Variants in MYH3 observed in about 807,000 individuals in gnomAD.
MYH3 encodes myosin heavy chain 3, also known as myosin-3.
In MYH3, 130 loss-of-function variants were observed where a neutral mutation model predicts 238.0. The ratio of observed to expected loss-of-function variants is 0.55; its 90% confidence interval spans 0.47 to 0.63. The LOEUF (loss-of-function observed/expected upper bound fraction) is 0.63. Ranked by LOEUF, MYH3 falls within the 30% of genes least tolerant of loss-of-function variation. The pLI is 0.00. For synonymous variants in MYH3, 880 were observed against 924.1 expected, an observed-to-expected ratio of 0.95 and a Z score of 0.86; for missense variants, 1,853 against 2,374.9, an observed-to-expected ratio of 0.78 and a Z score of 4.57.
At chr17:10,632,919 G>T in intron 33 of MYH3, 135 bp from the exon 34 acceptor site, 1 of 1,028,338 alleles carries the variant, frequency 9.7e-7, no homozygotes. Flanking sequence ...CTTTTTAAAT[G>T]TCCCCAAATT....
chr17:10,660,357 GAGAA>G (rs1332041873), upstream of MYH3, among the ~76,000 whole-genome samples: 1 of 152,184 alleles, frequency 6.6e-6, no homozygotes, highest in Non-Finnish European at 1.5e-5. Context: ...GATGGGGAGG[GAGAA>G]AGAGACATAT....
chr17:10,632,597 G>C lies in MYH3; in HGVS notation c.4835C>G (p.Ala1612Gly). 2 of 1,614,140 alleles carry C rather than the reference G, an allele frequency of 1.2e-6. No homozygotes were observed. Among genetic ancestry groups the C allele is most frequent in the Non-Finnish European group, 1.7e-6 (2 of 1,180,036 alleles). ...LDAEVRSRNE[A>G]IRLKKKMEGD... ...CTCCATCTTCTTCTTGAGCCGGATG[G>C]CTTCATTCCTGCTCCGCACCTCGGC... The change falls in exon 34 of 41, where the codon GCC becomes GGC. Residue 1612 changes from alanine to glycine, a missense_variant. Ala to Gly is a moderately conservative substitution (Grantham distance 60). Coordinates refer to ENST00000583535, the MANE Select transcript of MYH3 (RefSeq NM_002470.4).
chr17:10,635,282 G>A (rs529290813), intron 30 of MYH3, 85 bp downstream of exon 30: 4 of 1,605,284 alleles, frequency 2.5e-6, no homozygotes, highest in Non-Finnish European at 3.4e-6. Context: ...AAAGACACAT[G>A]AGATGGGGAA....
In MYH3 at chr17:10,635,020, T is replaced by C; in HGVS notation, c.4176A>G (p.Lys1392=). 2.5e-6 allele frequency: 4 copies of C among 1,614,102 alleles called. No individual in the cohort carries two copies. Among genetic ancestry groups the C allele is most frequent in the Non-Finnish European group, 3.4e-6 (4 of 1,179,996 alleles). The part of the protein sequence containing the change: ...QRTEELEEAK[K]KLAQRLQDSE... ...AATCTTGAAGGCGCTGAGCAAGTTT[T>C]TTCCTTAAAGAATATGAAAGAGAAG... The change falls in exon 31 of 41, where the codon AAA becomes AAG. Residue 1392 remains lysine, a synonymous_variant. Coordinates refer to ENST00000583535, the MANE Select transcript of MYH3 (RefSeq NM_002470.4).
At position 10,638,962 on chromosome 17, in the gene MYH3, T is replaced by G; in HGVS notation, c.3250A>C (p.Lys1084Gln). 1 of 1,614,176 alleles carries G rather than the reference T, an allele frequency of 6.2e-7. No homozygotes were observed. Among genetic ancestry groups the G allele is most frequent in the East Asian group, 2.2e-5 (1 of 44,884 alleles). The change falls in exon 26 of 41, where the codon AAA (lysine) becomes CAA (glutamine). Residue 1084 changes from lysine (K) to glutamine (Q), a missense_variant and splice_region_variant. By Grantham distance (53) the Lys-to-Gln change is moderately conservative. This residue lies in a region of MYH3 where 1,044 missense variants were observed against 1,192.6 expected (regional missense o/e 0.88). Coordinates refer to ENST00000583535, the MANE Select transcript of MYH3 (RefSeq NM_002470.4). ...TGAAGTTGACAATATTCAAAATCTT[T>G]CCTGTGAAGAGAAATGTAGAATGCA... ...KQQLDERLKK[K>Q]DFEYCQLQSK...
chr17:10,644,544 A>G, intron 13 of MYH3, 40 bp downstream of exon 13: 2 of 1,613,612 alleles, frequency 1.2e-6, no homozygotes, highest in Non-Finnish European at 1.7e-6. Context: ...GGAAGTGGCC[A>G]GCAGGGTCCT....
rs1458579425 is a variant in MYH3 at position 10,637,858 on chromosome 17, C to T, written c.3807G>A (p.Arg1269=). ...EARGKNEEIQ[R]SLSELTTQKS... is the part of the protein sequence containing the mutation. ...TCTGTGTGGTCAGCTCGCTCAGGCT[C>T]CTCTGAATTTCCTCATTCTTGCCCC... The change falls in exon 28 of 41, where the codon AGG becomes AGA. Residue 1269 remains arginine (R), a synonymous_variant. Transcript: ENST00000583535. The T allele has an allele frequency of 3.7e-6, 6 of 1,614,148 alleles. No individual in the cohort carries two copies. The highest frequency in any genetic ancestry group is 5.1e-6 in the Non-Finnish European group (6 of 1,180,034).
In MYH3 at chr17:10,639,437, T is replaced by C; in HGVS notation, c.2963A>G (p.Glu988Gly). 6.2e-7 allele frequency: 1 copy of C among 1,614,092 alleles called. No individual in the cohort carries two copies. The highest frequency in any genetic ancestry group is 8.5e-7 in the Non-Finnish European group (1 of 1,179,976). ...NLTEELSGLDETIAKLTREKK... is the reference protein window; with the variant it reads ...NLTEELSGLDGTIAKLTREKK... ...CTCTCTGGTTAACTTTGCAATTGTT[T>C]CATCTAACCCAGAGAGTTCCTCAGT... is the stretch of plus-strand genomic sequence containing the variant. Residue 988 changes from glutamate (E) to glycine (G), a missense_variant, in exon 24 of 41, where the codon GAA becomes GGA. This residue lies in a region of MYH3 where 1,044 missense variants were observed against 1,192.6 expected (regional missense o/e 0.88). Coordinates refer to ENST00000583535, the MANE Select transcript of MYH3 (RefSeq NM_002470.4).
chr17:10,632,647 C>T lies in MYH3; in HGVS notation c.4785G>A (p.Val1595=), dbSNP rs766144583. 6.2e-7 allele frequency: 1 copy of T among 1,614,194 alleles called. No homozygotes were observed. Among genetic ancestry groups the T allele is most frequent in the Non-Finnish European group, 8.5e-7 (1 of 1,180,040 alleles). The change falls in exon 34 of 41, where the codon GTG becomes GTA. Residue 1595 remains valine, a synonymous_variant. Transcript: ENST00000583535. Reference sequence around the variant, plus strand: ...CGTCCAGGGCGCTCTGCATGGTTTCCACTGTTCTCTGGTAGTTCCTCTTCA... The same window carrying T: ...CGTCCAGGGCGCTCTGCATGGTTTCTACTGTTCTCTGGTAGTTCCTCTTCA... ...EQLKRNYQRT[V]ETMQSALDAE...
At position 10,631,614 on chromosome 17, in the gene MYH3, C is replaced by A; in HGVS notation, c.5283G>T (p.Thr1761=). ...CAGCAGGAAGGAGACGCCTTACGTC[C>A]GTGATGGCCTTCTTGGCCTTCTCCT... ...NAEEKAKKAI[T]DAAMMAEELK... is the part of the protein sequence containing the mutation. Residue 1761 remains threonine, a synonymous_variant, in exon 36 of 41, where the codon ACG becomes ACT. Coordinates refer to ENST00000583535, the MANE Select transcript of MYH3 (RefSeq NM_002470.4). 6.2e-7 allele frequency: 1 copy of A among 1,614,150 alleles called. No homozygotes were observed. The highest frequency in any genetic ancestry group is 8.5e-7 in the Non-Finnish European group (1 of 1,180,038).
intron 36 of MYH3, among the ~76,000 whole-genome samples, chr17:10,631,152 G>T (rs1300791802): frequency 6.6e-6 from 1 of 152,218 alleles, no homozygotes; most frequent in East Asian, 1.9e-4. Context: ...TAGATTTGGG[G>T]ATAGTGAGAT....
At chr17:10,671,801 G>C in the MYH3 span, among the ~76,000 whole-genome samples, 2 of 151,762 alleles carry the variant, frequency 1.3e-5, no homozygotes, top group African/African-American at 2.4e-5. Context: ...GGATGGTCTC[G>C]ATCTCCTGAC....
At position 10,654,476 on chromosome 17, in the gene MYH3, C is replaced by T. The variant is rs2074409205; in HGVS notation, c.204+385G>A. ...TTTCCTTACTTCCTTGGTTAGATGG[C>T]CATTGATAGAATAATTTGGGACAAA... On this transcript the variant is annotated intron_variant, in intron 3 of 40. Transcript: ENST00000583535. This position sits in a 1 kb window ranked among gnomAD's most constrained non-coding sequence, Gnocchi z 4.5. Among the ~76,000 whole-genome samples the T allele has an allele frequency of 6.6e-6, 1 of 152,178 alleles. No individual in the cohort carries two copies. Among genetic ancestry groups the T allele is most frequent in the Admixed American group, 6.5e-5 (1 of 15,278 alleles).
In MYH3 at chr17:10,641,381, A is replaced by G; in HGVS notation, c.1960-9T>C. 1 of 1,381,662 alleles carries G rather than the reference A, an allele frequency of 7.2e-7. No individual in the cohort carries two copies. Among genetic ancestry groups the G allele is most frequent in the Middle Eastern group, 1.8e-4 (1 of 5,510 alleles). 85.6% of individuals were successfully genotyped at this position (1,381,662 alleles called of 1,614,324 possible). ...AGCTTGTTCAGGTTTTCCTAAGAGA[A>G]AAAAAAAATGACATTTGCCATCCTA... On this transcript the variant is annotated splice_polypyrimidine_tract_variant and intron_variant, in intron 17 of 40. Coordinates refer to ENST00000583535, the MANE Select transcript of MYH3 (RefSeq NM_002470.4).
At position 10,634,979 on chromosome 17, in the gene MYH3, T is replaced by C. The variant is rs745755095; in HGVS notation, c.4217A>G (p.Glu1406Gly). ...QRLQDSEEQV[E>G]AVNAKCASLE... ...TGAAGCACATTTAGCATTCACTGCC[T>C]CAACCTGTTCCTCGGAATCTTGAAG... The change falls in exon 31 of 41, where the codon GAG (glutamate) becomes GGG (glycine). Residue 1406 changes from glutamate (E) to glycine (G), a missense_variant. By Grantham distance (98) the Glu-to-Gly change is moderately conservative. This residue lies in a region of MYH3 where 1,044 missense variants were observed against 1,192.6 expected (regional missense o/e 0.88). Transcript: ENST00000583535. 3.1e-6 allele frequency: 5 copies of C among 1,614,062 alleles called. No homozygotes were observed. In the African/African-American group the frequency reaches 5.3e-5, roughly 17 times the overall value.
chr17:10,643,887 C>T (rs935633669), intron 14 of MYH3, among the ~76,000 whole-genome samples: 6 of 151,998 alleles, frequency 3.9e-5, no homozygotes, highest in Admixed American at 1.3e-4. Flanking sequence ...CAGCCAGGTG[C>T]GGTGGCTCAT....
chr17:10,631,599 G>A lies in MYH3; in HGVS notation c.5286+12C>T. 6.2e-7 allele frequency: 1 copy of A among 1,614,164 alleles called. No homozygotes were observed. The highest frequency in any genetic ancestry group is 8.5e-7 in the Non-Finnish European group (1 of 1,180,036). On this transcript the variant is annotated intron_variant, in intron 36 of 40. Coordinates refer to ENST00000583535, the MANE Select transcript of MYH3 (RefSeq NM_002470.4). Reference sequence around the variant, plus strand: ...CCGGCAGCCCGAGGGCAGCAGGAAGGAGACGCCTTACGTCCGTGATGGCCT... The same window carrying A: ...CCGGCAGCCCGAGGGCAGCAGGAAGAAGACGCCTTACGTCCGTGATGGCCT...
chr17:10,645,484 T>C (rs1342020893), intron 12 of MYH3, among the ~76,000 whole-genome samples: 1 of 152,010 alleles, frequency 6.6e-6, no homozygotes, highest in African/African-American at 2.4e-5. Context: ...TGCTCCACCA[T>C]GCCCAGCTAA....
At chr17:10,653,213 G>C (rs1597494021) in intron 3 of MYH3, among the ~76,000 whole-genome samples, 2 of 152,292 alleles carry the variant, frequency 1.3e-5, no homozygotes, top group East Asian at 3.9e-4. Flanking sequence ...TTTCAGCTCA[G>C]TCAGTAACAC....
Sources: allele counts gnomAD v4.1 joint callset (sites outside exome capture counted in the v4.1 genomes callset), GRCh38; gene constraint gnomAD v4.1.1; regional missense constraint gnomAD v4.1.1; non-coding constraint Gnocchi (gnomAD v3.1); transcripts MANE v1.5; gene names NCBI Gene and HGNC (gene_info 2026-07-23, HGNC 2026-07-21).